The following PPM1B variants were observed in gnomAD, a reference collection of about 807,000 sequenced individuals.
The protein encoded by PPM1B is protein phosphatase 1B.
PPM1B carries 22 observed loss-of-function variants against 43.0 expected under a neutral mutation model. The observed-to-expected ratio is 0.51, with a 90% CI of 0.37 to 0.73. PPM1B has a LOEUF of 0.73. PPM1B is among the 30% of genes least tolerant of loss of function. PPM1B has a pLI of 0.00. For missense variants in PPM1B, 632 were observed against 584.2 expected (o/e 1.08, Z -0.84); for synonymous variants, 217 against 197.9 (o/e 1.10, Z -0.81).
intron 1 of PPM1B, among the ~76,000 whole-genome samples, chr2:44,184,846 A>G (rs995462346): frequency 3.3e-5 from 5 of 151,618 alleles, no homozygotes; most frequent in African/African-American, 9.7e-5. Flanking sequence ...TAGTATAGCA[A>G]TACTTTTTTA....
chr2:44,196,355 G>T (rs746894514), intron 1 of PPM1B, among the ~76,000 whole-genome samples: 7 of 152,046 alleles, frequency 4.6e-5, no homozygotes, highest in Non-Finnish European at 7.4e-5. Flanking sequence ...CTTTTCTTAT[G>T]ATTAGACTGG....
chr2:44,243,575 T>C (rs1476250928), intron 5 of PPM1B, among the ~76,000 whole-genome samples: 1 of 152,184 alleles, frequency 6.6e-6, no homozygotes, highest in Admixed American at 6.5e-5. Context: ...CATTTTCCTA[T>C]AGATTTTTCC....
At chr2:44,235,846 C>G (rs1487745953), downstream of PPM1B, among the ~76,000 whole-genome samples, 1 of 152,172 alleles carries the variant, frequency 6.6e-6, no homozygotes, top group Admixed American at 6.5e-5. Flanking sequence ...CTGCAGTGAG[C>G]TATGATCCAG....
downstream of PPM1B, among the ~76,000 whole-genome samples, chr2:44,245,316 C>T (rs1312142566): frequency 8.9e-6 from 1 of 112,188 alleles, no homozygotes; most frequent in Admixed American, 8.4e-5. Flanking sequence ...CTGAGAAAAC[C>T]CTGAATGCCA....
chr2:44,171,563 C>T (rs555184479), intron 1 of PPM1B, among the ~76,000 whole-genome samples: 7 of 152,254 alleles, frequency 4.6e-5, no homozygotes, highest in Middle Eastern at 3.4e-3. Context: ...GGTGCGGTGG[C>T]TCATGCCTGT....
intron 1 of PPM1B, among the ~76,000 whole-genome samples, chr2:44,189,325 A>T (rs919117513): frequency 6.6e-6 from 1 of 152,224 alleles, no homozygotes; most frequent in East Asian, 1.9e-4. Flanking sequence ...ATGGTTCTCT[A>T]TAACTTAGTT....
chr2:44,175,112 G>C (rs1243575127), intron 1 of PPM1B, among the ~76,000 whole-genome samples: 1 of 152,112 alleles, frequency 6.6e-6, no homozygotes, highest in Non-Finnish European at 1.5e-5. Context: ...AAATTAGCTG[G>C]GTGTGGCGGC....
downstream of PPM1B, among the ~76,000 whole-genome samples, chr2:44,246,286 G>A (rs1158859204): frequency 6.6e-6 from 1 of 152,132 alleles, no homozygotes; most frequent in Non-Finnish European, 1.5e-5. Context: ...TACTGTTTGA[G>A]TCCTTCGAGC....
In PPM1B at chr2:44,201,280, C is replaced by T; in HGVS notation, c.81C>T (p.Ser27=). ...GAGNGLRYGL[S]SMQGWRVEME... ...GGAATGGTTTACGTTATGGCCTGAG[C>T]AGCATGCAAGGATGGAGAGTGGAAA... The change falls in exon 2 of 6, where the codon AGC becomes AGT. Residue 27 remains serine, a synonymous_variant. Transcript: ENST00000282412. This position sits in a 1 kb window ranked among gnomAD's most constrained non-coding sequence, Gnocchi z 5.4. 1.2e-6 allele frequency: 2 copies of T among 1,614,124 alleles called. No homozygotes were observed. Among genetic ancestry groups the T allele is most frequent in the Non-Finnish European group, 1.7e-6 (2 of 1,180,020 alleles).
intron 1 of PPM1B, among the ~76,000 whole-genome samples, chr2:44,197,718 T>G (rs1459703610): frequency 6.6e-6 from 1 of 152,210 alleles, no homozygotes; most frequent in Non-Finnish European, 1.5e-5. Flanking sequence ...GTTCGATTTC[T>G]GATTAGCCAC....
intron 1 of PPM1B, among the ~76,000 whole-genome samples, chr2:44,180,142 A>T (rs193161665): frequency 2.0e-4 from 31 of 152,294 alleles, no homozygotes; most frequent in African/African-American, 7.5e-4. Flanking sequence ...GAACAAGGCA[A>T]TTGCTTAATA....
chr2:44,231,074 ACTG>A lies in PPM1B; in HGVS notation c.*359_*361del. Reference sequence around the variant, plus strand: ...GAAAAACTTGTTAATGTAGAATTATACTGCTTCATATTATTTTACCTATTAGTA... The same window carrying A: ...GAAAAACTTGTTAATGTAGAATTATACTTCATATTATTTTACCTATTAGTA... On this transcript the variant is annotated 3_prime_UTR_variant, in exon 6 of 6. Transcript: ENST00000282412. 1 of 903,804 alleles carries A rather than the reference ACTG, an allele frequency of 1.1e-6. No individual in the cohort carries two copies. Among genetic ancestry groups the A allele is most frequent in the Non-Finnish European group, 1.3e-6 (1 of 752,758 alleles). The allele number at this position is 903,804 out of a possible 1,614,324, so 56.0% of individuals were successfully genotyped here. A position where few individuals can be genotyped will look rare whatever the true frequency, so the allele number is the denominator to read the frequency against.
rs555214805 is a variant in PPM1B at position 44,200,737 on chromosome 2, T to C, written c.-14-449T>C. On this transcript the variant is annotated intron_variant, in intron 1 of 5. Coordinates refer to ENST00000282412, the MANE Select transcript of PPM1B (RefSeq NM_002706.6). ...TAGTATACCTTCCTACCTTGATTTA[T>C]TGAACAAGATGACTCACTGTTTTGA... Among the ~76,000 whole-genome samples, 24 of 152,342 alleles carry C rather than the reference T, an allele frequency of 1.6e-4. 1 individual carries two copies. In the South Asian group the frequency reaches 5.0e-3, roughly 32 times the overall value.
chr2:44,180,009 CAAAA>C (rs766537523), intron 1 of PPM1B, among the ~76,000 whole-genome samples: 2 of 83,668 alleles, frequency 2.4e-5, no homozygotes, highest in African/African-American at 4.3e-5. Context: ...AACTTCGTTC[CAAAA>C]AAAAAAAAAA....
chr2:44,224,617 A>G lies in PPM1B; in HGVS notation c.1135-5796A>G, dbSNP rs546958336. 8.6e-5 allele frequency among the ~76,000 whole-genome samples: 13 copies of G among 151,920 alleles called. No individual in the cohort carries two copies. In the South Asian group the frequency reaches 1.9e-3, roughly 22 times the overall value. On this transcript the variant is annotated intron_variant, in intron 5 of 5. Coordinates refer to ENST00000282412, the MANE Select transcript of PPM1B (RefSeq NM_002706.6). The stretch of plus-strand genomic sequence containing the variant: ...TCTCTGCTTGATTTATCTAATTTCT[A>G]TGTCTTATTTGGTGTAAGTTAGTAT...
chr2:44,191,988 A>C (rs1474849035), intron 1 of PPM1B, among the ~76,000 whole-genome samples: 1 of 151,130 alleles, frequency 6.6e-6, no homozygotes, highest in East Asian at 1.9e-4. Flanking sequence ...TTTCTCTAAT[A>C]GCTGTTAGTT....
intron 1 of PPM1B, among the ~76,000 whole-genome samples, chr2:44,186,738 A>AT (rs1668142324): frequency 6.6e-6 from 1 of 152,110 alleles, no homozygotes; most frequent in African/African-American, 2.4e-5. Flanking sequence ...TTATCATTTG[A>AT]TTTTCTGCTA....
At chr2:44,235,603 CAAAAAAA>C (rs60734033), downstream of PPM1B, among the ~76,000 whole-genome samples, 4 of 73,488 alleles carry the variant, frequency 5.4e-5, no homozygotes, top group Middle Eastern at 0.037. Context: ...AATTCCATCT[CAAAAAAA>C]AAAAAAAAAA....
At chr2:44,244,135 A>G (rs1005967370) in intron 5 of PPM1B, 1 of 558,584 alleles carries the variant, frequency 1.8e-6, no homozygotes, top group African/African-American at 2.0e-5. Flanking sequence ...ACCTTCTTAG[A>G]CAACTAGTTT....
Sources: gnomAD v4.1 joint callset for allele counts (sites outside exome capture counted in the v4.1 genomes callset) on GRCh38, gnomAD v4.1.1 for gene constraint, Gnocchi (gnomAD v3.1) non-coding constraint, MANE v1.5 for transcripts, NCBI Gene and HGNC (gene_info 2026-07-23, HGNC 2026-07-21) for gene names.